Variants in AKAP6 observed in about 807,000 individuals in gnomAD.
AKAP6 encodes the protein A-kinase anchoring protein 6.
A neutral mutation model predicts 188.5 loss-of-function variants in AKAP6; 58 were observed. The observed-to-expected ratio is 0.31, with a 90% confidence interval of 0.25 to 0.38. The LOEUF (loss-of-function observed/expected upper bound fraction) is 0.38. Ranked by LOEUF, AKAP6 falls within the 10% of genes least tolerant of loss-of-function variation. The pLI is 1.00. For synonymous variants in AKAP6, 989 were observed against 998.6 expected (o/e 0.99, Z 0.18); for missense variants, 2,710 against 2,740.0 (o/e 0.99, Z 0.24).
Position 32,546,939 on chromosome 14 carries a change from G to T in AKAP6, c.2286G>T (p.Gln762His). Residue 762 changes from glutamine (Q) to histidine (H), a missense_variant, in exon 4 of 14, where the codon CAG becomes CAT. Gln to His is a conservative substitution (Grantham distance 24). This residue lies in a region of AKAP6 where 2,473 missense variants were observed against 2,426.1 expected (regional missense o/e 1.02). Transcript: ENST00000280979. The stretch of plus-strand genomic sequence containing the variant: ...CTGCCACTAAATCAGCTTTAATTCA[G>T]AAACTGATGCAAGATATTCAGCACC... ...SHSATKSALI[Q>H]KLMQDIQHQD... 6.2e-7 allele frequency: 1 copy of T among 1,611,428 alleles called. No individual in the cohort carries two copies.
intron 1 of AKAP6, among the ~76,000 whole-genome samples, chr14:32,337,594 T>C (rs1042534070): frequency 1.9e-4 from 29 of 152,260 alleles, no homozygotes; most frequent in African/African-American, 6.7e-4. Context: ...TATTATACTT[T>C]AAGTTTTAGG....
chr14:32,633,479 G>A (rs1283449952), intron 7 of AKAP6, among the ~76,000 whole-genome samples: 1 of 152,006 alleles, frequency 6.6e-6, no homozygotes, highest in Non-Finnish European at 1.5e-5. Context: ...TGACTTGCAG[G>A]CCTCCTGTGG....
At chr14:32,579,442 T>C (rs1004754954) in intron 5 of AKAP6, among the ~76,000 whole-genome samples, 2 of 152,158 alleles carry the variant, frequency 1.3e-5, no homozygotes, top group Admixed American at 6.5e-5. Context: ...ACTTTGCAAA[T>C]AGTGAGGGAC....
intron 1 of AKAP6, among the ~76,000 whole-genome samples, chr14:32,382,410 C>A (rs1566474975): frequency 1.3e-5 from 2 of 152,108 alleles, no homozygotes; most frequent in Admixed American, 1.3e-4. Context: ...GTCTTTGAGG[C>A]TTAGTTTCCT....
Position 32,819,404 on chromosome 14 carries a change from T to C in AKAP6, c.3589-1998T>C, listed in dbSNP as rs551276187. On this transcript the variant is annotated intron_variant, in intron 12 of 13. Coordinates refer to ENST00000280979, the MANE Select transcript of AKAP6 (RefSeq NM_004274.5). Reference sequence around the variant, plus strand: ...CTAACATGCTGCAGGTGACGCTTTTTCCCCACTACTGAGGAATACAAGCAT... The same window carrying C: ...CTAACATGCTGCAGGTGACGCTTTTCCCCCACTACTGAGGAATACAAGCAT... Among the ~76,000 whole-genome samples, 10 of 152,276 alleles carry C rather than the reference T, an allele frequency of 6.6e-5. No individual in the cohort carries two copies. In the South Asian group the frequency reaches 8.3e-4, roughly 13 times the overall value.
chr14:32,813,395 C>CCT lies in AKAP6; in HGVS notation c.3589-8006_3589-8005insTC, dbSNP rs1555365145. ...AGTTTTCATCTCTAACCCTACCCCCCCCCCCAACCCCTTTCCCAGAGGTCC... is the reference window on the plus strand; with the variant it reads ...AGTTTTCATCTCTAACCCTACCCCCCCTCCCCCAACCCCTTTCCCAGAGGTCC... On this transcript the variant is annotated intron_variant, in intron 12 of 13. Coordinates refer to ENST00000280979, the MANE Select transcript of AKAP6 (RefSeq NM_004274.5). Among the ~76,000 whole-genome samples the CCT allele has an allele frequency of 4.2e-5, 5 of 119,652 alleles. 1 individual carries two copies. Among genetic ancestry groups the CCT allele is most frequent in the East Asian group, 6.5e-4 (2 of 3,064 alleles). The allele number at this position is 119,652 out of a possible 152,430, so 78.5% of individuals were successfully genotyped here. A position where few individuals can be genotyped will look rare whatever the true frequency, so the allele number is the denominator to read the frequency against.
chr14:32,558,823 C>A (rs1439936486), intron 4 of AKAP6, among the ~76,000 whole-genome samples: 1 of 152,138 alleles, frequency 6.6e-6, no homozygotes. Context: ...AAATGGAGGG[C>A]AGCCACCTTT....
intron 12 of AKAP6, among the ~76,000 whole-genome samples, chr14:32,811,330 T>A (rs1218993417): frequency 6.6e-6 from 1 of 151,948 alleles, no homozygotes; most frequent in Non-Finnish European, 1.5e-5. Flanking sequence ...TGACCAACAT[T>A]TTATTTTTTT....
At chr14:32,460,927 C>T (rs1378615159) in intron 2 of AKAP6, among the ~76,000 whole-genome samples, 3 of 152,182 alleles carry the variant, frequency 2.0e-5, no homozygotes, top group Non-Finnish European at 4.4e-5. Context: ...GGCAGTTTTC[C>T]CCTGACAGTG....
chr14:32,388,481 G>T (rs1888604112), intron 1 of AKAP6, among the ~76,000 whole-genome samples: 1 of 151,990 alleles, frequency 6.6e-6, no homozygotes, highest in Non-Finnish European at 1.5e-5. Flanking sequence ...TTTGATGTAG[G>T]TGTTTAGGGC....
At chr14:32,807,489 A>G (rs1012300521) in intron 12 of AKAP6, among the ~76,000 whole-genome samples, 10 of 152,208 alleles carry the variant, frequency 6.6e-5, no homozygotes, top group Admixed American at 6.5e-4. Context: ...GATTTGTTTT[A>G]GGAAGCTTGG....
intron 8 of AKAP6, among the ~76,000 whole-genome samples, chr14:32,682,936 G>T (rs71419922): frequency 0.099 from 15,009 of 151,834 alleles, 899 homozygotes; most frequent in Admixed American, 0.15. Context: ...TAGGGGTGGA[G>T]ACCAGCAATC....
chr14:32,795,876 T>C (rs2033754144), intron 12 of AKAP6, among the ~76,000 whole-genome samples: 3 of 152,188 alleles, frequency 2.0e-5, no homozygotes, highest in Non-Finnish European at 1.5e-5. Context: ...ATTCTATACC[T>C]AGAGAACCCC....
intron 12 of AKAP6, among the ~76,000 whole-genome samples, chr14:32,793,018 T>C (rs938700995): frequency 6.6e-6 from 1 of 152,158 alleles, no homozygotes; most frequent in Non-Finnish European, 1.5e-5. Flanking sequence ...ACAAAAGATC[T>C]TGAAGGAAGC....
At chr14:32,356,395 A>G (rs935342564) in intron 1 of AKAP6, among the ~76,000 whole-genome samples, 8 of 151,950 alleles carry the variant, frequency 5.3e-5, no homozygotes, top group Admixed American at 2.0e-4. Flanking sequence ...TCTCACAGGC[A>G]TCTCCCCCTC....
At chr14:32,773,398 C>G (rs898459044) in intron 11 of AKAP6, among the ~76,000 whole-genome samples, 1 of 152,064 alleles carries the variant, frequency 6.6e-6, no homozygotes, top group Non-Finnish European at 1.5e-5. Flanking sequence ...TTTCATTAGG[C>G]TAGAAATTGT....
At chr14:32,798,352 T>G (rs762013119) in intron 12 of AKAP6, among the ~76,000 whole-genome samples, 6 of 152,106 alleles carry the variant, frequency 3.9e-5, no homozygotes, top group Non-Finnish European at 8.8e-5. Flanking sequence ...CTCAAAGAAC[T>G]TAAAACCATT....
intron 5 of AKAP6, among the ~76,000 whole-genome samples, chr14:32,586,059 T>C (rs1885230290): frequency 6.6e-6 from 1 of 152,166 alleles, no homozygotes; most frequent in African/African-American, 2.4e-5. Context: ...AGGGTCAGCC[T>C]TCATAGATTA....
intron 12 of AKAP6, among the ~76,000 whole-genome samples, chr14:32,795,686 G>T (rs1337900820): frequency 1.3e-5 from 2 of 152,128 alleles, no homozygotes; most frequent in African/African-American, 4.8e-5. Context: ...CATGCTGAAT[G>T]GGCAAAAGCT....
Sources: gnomAD v4.1 joint callset for allele counts (sites outside exome capture counted in the v4.1 genomes callset) on GRCh38, gnomAD v4.1.1 for gene constraint, gnomAD v4.1.1 regional missense constraint, MANE v1.5 for transcripts, NCBI Gene and HGNC (gene_info 2026-07-23, HGNC 2026-07-21) for gene names.